Variants in KHDRBS2 observed in about 807,000 individuals in gnomAD.
The protein encoded by KHDRBS2 is KH domain-containing, RNA-binding, signal transduction-associated protein 2.
A neutral mutation model predicts 44.3 loss-of-function variants in KHDRBS2; 26 were observed. The ratio of observed to expected loss-of-function variants is 0.59; its 90% CI spans 0.43 to 0.81. KHDRBS2 has a LOEUF of 0.81. KHDRBS2 is among the 40% of genes least tolerant of loss of function. The probability of loss-of-function intolerance (pLI) is 0.00; values close to 1 mark genes in which losing one functional copy is unlikely to be tolerated. For missense variants in KHDRBS2, 476 were observed against 433.1 expected, an observed-to-expected ratio of 1.10 and a Z score of -0.88; for synonymous variants, 194 against 151.1, an observed-to-expected ratio of 1.28 and a Z score of -2.08.
the KHDRBS2 span, among the ~76,000 whole-genome samples, chr6:61,624,045 A>G: frequency 6.6e-6 from 1 of 152,224 alleles, no homozygotes; most frequent in African/African-American, 2.4e-5. Context: ...AAAGTTTAGA[A>G]CATTAAAGAC....
At chr6:61,724,515 G>T (rs1773226660) in intron 7 of KHDRBS2, among the ~76,000 whole-genome samples, 1 of 152,062 alleles carries the variant, frequency 6.6e-6, no homozygotes, top group Non-Finnish European at 1.5e-5. Context: ...AGACAGAATG[G>T]CAAGCTGGAT....
At chr6:61,809,937 G>A (rs1344851843) in intron 6 of KHDRBS2, among the ~76,000 whole-genome samples, 1 of 152,010 alleles carries the variant, frequency 6.6e-6, no homozygotes, top group Admixed American at 6.6e-5. Flanking sequence ...AAAATATATC[G>A]CTTTTAGCAG....
intron 2 of KHDRBS2, among the ~76,000 whole-genome samples, chr6:62,056,119 T>C (rs1167443122): frequency 6.6e-6 from 1 of 151,978 alleles, no homozygotes; most frequent in Non-Finnish European, 1.5e-5. Context: ...ATATTAGCCT[T>C]GAATTGTGGG....
At chr6:62,237,292 G>C (rs1183970171) in intron 1 of KHDRBS2, among the ~76,000 whole-genome samples, 2 of 152,136 alleles carry the variant, frequency 1.3e-5, no homozygotes, top group East Asian at 3.9e-4. Context: ...AACAATTATA[G>C]GTTGTGTTAT....
At chr6:61,812,614 AT>A (rs1257466059) in intron 6 of KHDRBS2, among the ~76,000 whole-genome samples, 5 of 152,218 alleles carry the variant, frequency 3.3e-5, no homozygotes, top group Admixed American at 3.3e-4. Context: ...ATACCTTTGA[AT>A]TTCATATTAA....
intron 2 of KHDRBS2, among the ~76,000 whole-genome samples, chr6:62,175,296 A>G (rs1187153969): frequency 4.0e-5 from 6 of 151,630 alleles, no homozygotes; most frequent in Non-Finnish European, 5.9e-5. Flanking sequence ...AAGAAATGGT[A>G]AATTTTCTCA....
chr6:61,799,820 G>T (rs1785979252), intron 6 of KHDRBS2, among the ~76,000 whole-genome samples: 1 of 152,006 alleles, frequency 6.6e-6, no homozygotes, highest in Non-Finnish European at 1.5e-5. Flanking sequence ...CCACTGTCAA[G>T]ACTATACTAA....
At chr6:62,246,262 G>A (rs1057050119) in intron 1 of KHDRBS2, among the ~76,000 whole-genome samples, 1 of 151,494 alleles carries the variant, frequency 6.6e-6, no homozygotes, top group African/African-American at 2.4e-5. Flanking sequence ...TACAAAAGAG[G>A]ATACAGGCAA....
chr6:61,977,173 T>G (rs1168901254), intron 4 of KHDRBS2, among the ~76,000 whole-genome samples: 2 of 152,174 alleles, frequency 1.3e-5, no homozygotes, highest in Non-Finnish European at 2.9e-5. Flanking sequence ...AGTTTATTGC[T>G]TATTTAGAAA....
At chr6:62,068,875 A>G (rs1421758639) in intron 2 of KHDRBS2, among the ~76,000 whole-genome samples, 3 of 151,728 alleles carry the variant, frequency 2.0e-5, no homozygotes, top group African/African-American at 7.2e-5. Flanking sequence ...TTATGCTAAT[A>G]CCAAACCATC....
chr6:61,849,036 T>C (rs2127281747), intron 6 of KHDRBS2, among the ~76,000 whole-genome samples: 2 of 152,180 alleles, frequency 1.3e-5, no homozygotes, highest in African/African-American at 4.8e-5. Flanking sequence ...TTTCTAGAGA[T>C]GTATGTGGTT....
intron 1 of KHDRBS2, among the ~76,000 whole-genome samples, chr6:62,228,684 C>T (rs1456352178): frequency 6.6e-6 from 1 of 151,772 alleles, no homozygotes; most frequent in Admixed American, 6.6e-5. Flanking sequence ...TATAAATTTC[C>T]CTCCTAACAC....
chr6:61,687,330 A>G (rs1272565356), intron 8 of KHDRBS2, among the ~76,000 whole-genome samples: 1 of 151,832 alleles, frequency 6.6e-6, no homozygotes, highest in Non-Finnish European at 1.5e-5. Context: ...GTTAGAAAAA[A>G]TGTATCACTT....
the KHDRBS2 span, among the ~76,000 whole-genome samples, chr6:61,591,256 T>A: frequency 1.3e-5 from 2 of 152,166 alleles, no homozygotes; most frequent in Non-Finnish European, 2.9e-5. Context: ...AAACTAAGAA[T>A]ATGTGCCTAT....
intron 2 of KHDRBS2, among the ~76,000 whole-genome samples, chr6:62,048,545 C>G (rs1349698535): frequency 6.6e-6 from 1 of 151,754 alleles, no homozygotes; most frequent in African/African-American, 2.4e-5. Flanking sequence ...TAAAGGGACT[C>G]AATTATTGTT....
chr6:61,607,363 T>C, the KHDRBS2 span, among the ~76,000 whole-genome samples: 1 of 150,954 alleles, frequency 6.6e-6, no homozygotes, highest in Non-Finnish European at 1.5e-5. Flanking sequence ...AAAAATTAGT[T>C]CAGATATAAA....
chr6:62,017,308 C>T (rs1781390307), intron 3 of KHDRBS2, among the ~76,000 whole-genome samples: 1 of 151,836 alleles, frequency 6.6e-6, no homozygotes, highest in Non-Finnish European at 1.5e-5. Context: ...AGACTTGCCA[C>T]CAGAACATGA....
At chr6:62,093,614 C>T (rs1799910165) in intron 2 of KHDRBS2, among the ~76,000 whole-genome samples, 1 of 151,818 alleles carries the variant, frequency 6.6e-6, no homozygotes, top group Non-Finnish European at 1.5e-5. Flanking sequence ...CTAAATATAG[C>T]TTGGGGCTTG....
intron 2 of KHDRBS2, among the ~76,000 whole-genome samples, chr6:62,164,921 AT>A (rs1315974587): frequency 6.6e-6 from 1 of 151,852 alleles, no homozygotes; most frequent in African/African-American, 2.4e-5. Flanking sequence ...TGAGGTTCAC[AT>A]TTTTTTGAAA....
Sources: gnomAD v4.1 joint callset for allele counts (sites outside exome capture counted in the v4.1 genomes callset) on GRCh38, gnomAD v4.1.1 for gene constraint, MANE v1.5 for transcripts, NCBI Gene and HGNC (gene_info 2026-07-23, HGNC 2026-07-21) for gene names.